Variants in CDH13 observed in about 807,000 individuals in gnomAD.
CDH13 encodes cadherin 13.
In CDH13, 24 loss-of-function variants were observed where a neutral mutation model predicts 63.8. The ratio of observed to expected loss-of-function variants is 0.38; its 90% CI spans 0.27 to 0.53. The LOEUF is 0.53. CDH13 is among the 20% of genes least tolerant of loss of function. The probability of loss-of-function intolerance (pLI) is 0.85; values close to 1 mark genes in which losing one functional copy is unlikely to be tolerated. For missense variants in CDH13, 1,049 were observed against 903.1 expected, an observed-to-expected ratio of 1.16 and a Z score of -2.07; for synonymous variants, 503 against 355.3, an observed-to-expected ratio of 1.42 and a Z score of -4.67.
chr16:83,644,472 G>A (rs1256763793), intron 8 of CDH13, among the ~76,000 whole-genome samples: 1 of 152,158 alleles, frequency 6.6e-6, no homozygotes, highest in Non-Finnish European at 1.5e-5. Flanking sequence ...AGTCTTTGTA[G>A]GATAAACTCC....
chr16:83,509,651 A>G (rs2151601051), intron 7 of CDH13, among the ~76,000 whole-genome samples: 1 of 152,358 alleles, frequency 6.6e-6, no homozygotes, highest in South Asian at 2.1e-4. Flanking sequence ...AAGAAAACAT[A>G]TAAAGGCAAA....
Position 83,549,184 on chromosome 16 carries a change from G to A in CDH13, c.961-53270G>A, listed in dbSNP as rs533993318. On this transcript the variant is annotated intron_variant, in intron 7 of 13. Coordinates refer to ENST00000567109, the MANE Select transcript of CDH13 (RefSeq NM_001257.5). ...GGAGGGCCTTGTGGGGAAGGACGCA[G>A]ACAAGCTGTGATGGAGTCCTTGGGT... Among the ~76,000 whole-genome samples the A allele has an allele frequency of 3.9e-5, 6 of 152,304 alleles. No individual in the cohort carries two copies. In the South Asian group the frequency reaches 1.2e-3, roughly 32 times the overall value.
intron 4 of CDH13, among the ~76,000 whole-genome samples, chr16:83,157,873 A>C (rs1219637262): frequency 6.6e-6 from 1 of 151,902 alleles, no homozygotes; most frequent in East Asian, 1.9e-4. Context: ...AGATCATGCC[A>C]CTGCATTCCA....
chr16:82,795,925 A>G (rs556934878), intron 1 of CDH13, among the ~76,000 whole-genome samples: 3 of 151,526 alleles, frequency 2.0e-5, no homozygotes, highest in East Asian at 3.9e-4. Context: ...CACAGTGGAA[A>G]AAAAGGCCAC....
chr16:82,709,459 C>A (rs1385639129), intron 1 of CDH13, among the ~76,000 whole-genome samples: 2 of 152,128 alleles, frequency 1.3e-5, no homozygotes, highest in African/African-American at 4.8e-5. Flanking sequence ...AATTAGACTG[C>A]CTAATTTTAA....
At chr16:83,622,851 G>T (rs1157336109) in intron 8 of CDH13, among the ~76,000 whole-genome samples, 2 of 152,204 alleles carry the variant, frequency 1.3e-5, no homozygotes, top group African/African-American at 4.8e-5. Context: ...GGTTCATGCA[G>T]TCACCGCATG....
chr16:83,424,147 A>G (rs1276196923), intron 6 of CDH13, among the ~76,000 whole-genome samples: 1 of 151,934 alleles, frequency 6.6e-6, no homozygotes. Flanking sequence ...GAAATCCAAC[A>G]TGGACTGAAA....
intron 1 of CDH13, among the ~76,000 whole-genome samples, chr16:82,830,450 TA>T (rs1806908243): frequency 6.6e-6 from 1 of 152,204 alleles, no homozygotes; most frequent in East Asian, 1.9e-4. Context: ...GAAATGGGTA[TA>T]GTGCCTGGCA....
intron 1 of CDH13, among the ~76,000 whole-genome samples, chr16:82,742,048 G>C (rs552612814): frequency 2.0e-5 from 3 of 152,174 alleles, no homozygotes; most frequent in African/African-American, 7.2e-5. Context: ...ATATCAGCCC[G>C]GTTATATAAA....
chr16:82,941,691 C>G (rs1372288291), intron 2 of CDH13, among the ~76,000 whole-genome samples: 1 of 152,134 alleles, frequency 6.6e-6, no homozygotes, highest in South Asian at 2.1e-4. Context: ...TTGTACCGAG[C>G]TCTCTATCTC....
intron 7 of CDH13, among the ~76,000 whole-genome samples, chr16:83,518,071 T>C (rs1485507138): frequency 6.6e-6 from 1 of 151,990 alleles, no homozygotes. Flanking sequence ...TGGTGGGAGG[T>C]AATTTTATCA....
intron 5 of CDH13, among the ~76,000 whole-genome samples, chr16:83,276,426 C>T (rs1361649346): frequency 6.6e-6 from 1 of 152,140 alleles, no homozygotes; most frequent in Non-Finnish European, 1.5e-5. Flanking sequence ...GCCTCTCAAA[C>T]ACCTTTGAGT....
At chr16:83,314,381 A>G (rs1222490056) in intron 5 of CDH13, among the ~76,000 whole-genome samples, 1 of 152,212 alleles carries the variant, frequency 6.6e-6, no homozygotes, top group African/African-American at 2.4e-5. Flanking sequence ...TTAAAACAAG[A>G]CTAATCATTA....
At chr16:82,627,337 CGTGT>C (rs71146081) in intron 1 of CDH13, among the ~76,000 whole-genome samples, 200 bp downstream of exon 1, 44,108 of 130,942 alleles carry the variant, frequency 0.34, 7,200 homozygotes, top group Admixed American at 0.43. Flanking sequence ...CTCTGGCGTG[CGTGT>C]GTGTGTGTGT....
chr16:83,006,942 A>T (rs12924781), intron 2 of CDH13, among the ~76,000 whole-genome samples: 19,236 of 113,486 alleles, frequency 0.17, 1,989 homozygotes, highest in Middle Eastern at 0.22. Flanking sequence ...GTTTTTTTTG[A>T]GACAGAGTTT....
intron 10 of CDH13, among the ~76,000 whole-genome samples, chr16:83,684,912 G>C (rs1904289891): frequency 6.6e-6 from 1 of 152,074 alleles, no homozygotes; most frequent in South Asian, 2.1e-4. Context: ...AGTAGGTCTA[G>C]AGCAGGCATG....
At chr16:83,377,816 G>C (rs562564411) in intron 6 of CDH13, among the ~76,000 whole-genome samples, 1 of 152,142 alleles carries the variant, frequency 6.6e-6, no homozygotes, top group East Asian at 1.9e-4. Flanking sequence ...CTTTGTTCTG[G>C]TGTTATCTGG....
At chr16:82,728,358 C>G (rs995060139) in intron 1 of CDH13, among the ~76,000 whole-genome samples, 4 of 152,102 alleles carry the variant, frequency 2.6e-5, no homozygotes, top group Admixed American at 2.6e-4. Context: ...TCCCCAGCGA[C>G]ACGGTACAGG....
chr16:83,374,313 A>C (rs1337952522), intron 6 of CDH13, among the ~76,000 whole-genome samples: 1 of 152,190 alleles, frequency 6.6e-6, no homozygotes, highest in East Asian at 1.9e-4. Flanking sequence ...ATGAATAACC[A>C]TGTGACCCTC....
Sources: allele counts gnomAD v4.1 joint callset (sites outside exome capture counted in the v4.1 genomes callset), GRCh38; gene constraint gnomAD v4.1.1; transcripts MANE v1.5; gene names NCBI Gene and HGNC (gene_info 2026-07-23, HGNC 2026-07-21).